Variants in MAD1L1 observed in about 807,000 individuals in gnomAD.
The protein encoded by MAD1L1 is mitotic spindle assembly checkpoint protein MAD1.
In MAD1L1, 95 loss-of-function variants were observed where a neutral mutation model predicts 96.9. That is an observed-to-expected ratio of 0.98 (90% CI 0.83 to 1.16). The LOEUF is 1.16. MAD1L1 is among the 50% of genes most tolerant of loss of function. The pLI is 0.00. For missense variants in MAD1L1, 1,007 were observed against 954.4 expected (o/e 1.06, Z -0.73); for synonymous variants, 473 against 396.6 (o/e 1.19, Z -2.29).
At chr7:1,863,228 C>A (rs1158415531) in intron 18 of MAD1L1, among the ~76,000 whole-genome samples, 1 of 152,262 alleles carries the variant, frequency 6.6e-6, no homozygotes, top group African/African-American at 2.4e-5. Flanking sequence ...TTAGCGGAGC[C>A]CAGGGCGGGG....
chr7:2,108,570 C>G (rs758398672), intron 11 of MAD1L1, among the ~76,000 whole-genome samples: 10 of 152,136 alleles, frequency 6.6e-5, no homozygotes, highest in Admixed American at 1.3e-4. Flanking sequence ...GTGTTTAGGT[C>G]TAAAAAGCTC....
chr7:1,957,760 G>A (rs1471886622), intron 15 of MAD1L1, 41 bp from the exon 16 acceptor site: 1 of 1,594,782 alleles, frequency 6.3e-7, no homozygotes, highest in Non-Finnish European at 8.6e-7. Context: ...TCCGAGGCCA[G>A]CCATGCTGGG....
intron 14 of MAD1L1, among the ~76,000 whole-genome samples, chr7:1,981,887 T>C (rs1261260680): frequency 6.6e-6 from 1 of 152,176 alleles, no homozygotes; most frequent in Non-Finnish European, 1.5e-5. Context: ...AACATCACTA[T>C]GTACCCCATA....
At chr7:1,965,712 C>G (rs992708980) in intron 15 of MAD1L1, among the ~76,000 whole-genome samples, 1 of 152,262 alleles carries the variant, frequency 6.6e-6, no homozygotes. Context: ...AGGCAGGAGC[C>G]GTGCTCTCTG....
At chr7:2,050,377 G>A (rs1202315184) in intron 12 of MAD1L1, among the ~76,000 whole-genome samples, 2 of 152,222 alleles carry the variant, frequency 1.3e-5, no homozygotes, top group African/African-American at 4.8e-5. Context: ...TCAGACCCAT[G>A]TCCACACCCA....
At chr7:2,006,102 G>A (rs906503557) in intron 13 of MAD1L1, among the ~76,000 whole-genome samples, 1 of 152,062 alleles carries the variant, frequency 6.6e-6, no homozygotes, top group African/African-American at 2.4e-5. Flanking sequence ...TGTGGGTGCA[G>A]GACACCTCAG....
At chr7:2,109,980 C>T (rs1232882965) in intron 11 of MAD1L1, among the ~76,000 whole-genome samples, 2 of 149,384 alleles carry the variant, frequency 1.3e-5, no homozygotes, top group African/African-American at 5.2e-5. Flanking sequence ...AGCGTGGGCT[C>T]AGCACAGTTG....
intron 10 of MAD1L1, among the ~76,000 whole-genome samples, chr7:2,153,420 T>C (rs1789675404): frequency 6.6e-6 from 1 of 151,962 alleles, no homozygotes; most frequent in Non-Finnish European, 1.5e-5. Context: ...GACATGCAAA[T>C]GGCCAACAGG....
chr7:2,077,697 A>G (rs1562664847), intron 11 of MAD1L1, among the ~76,000 whole-genome samples: 1 of 152,242 alleles, frequency 6.6e-6, no homozygotes, highest in Non-Finnish European at 1.5e-5. Context: ...GCGCGGGAGC[A>G]GGAGACAAGG....
At chr7:1,834,668 C>T (rs1445367013) in intron 18 of MAD1L1, among the ~76,000 whole-genome samples, 2 of 152,156 alleles carry the variant, frequency 1.3e-5, no homozygotes, top group African/African-American at 2.4e-5. Flanking sequence ...AATGGGTTTA[C>T]CGATGAATTG....
chr7:2,090,134 C>T (rs1188189804), intron 11 of MAD1L1, among the ~76,000 whole-genome samples: 5 of 152,246 alleles, frequency 3.3e-5, no homozygotes, highest in Non-Finnish European at 7.3e-5. Context: ...TCACCAAACA[C>T]ATCCAAATGG....
chr7:1,879,097 A>C (rs1464730155), intron 18 of MAD1L1, among the ~76,000 whole-genome samples: 2 of 152,236 alleles, frequency 1.3e-5, no homozygotes, highest in Non-Finnish European at 2.9e-5. Flanking sequence ...GAAAATAAAA[A>C]ACATTGCTGG....
chr7:2,219,435 T>C lies in MAD1L1; in HGVS notation c.493A>G (p.Arg165Gly). The C allele has an allele frequency of 6.2e-7, 1 of 1,613,426 alleles. No individual in the cohort carries two copies. The highest frequency in any genetic ancestry group is 1.1e-5 in the South Asian group (1 of 90,934). Residue 165 changes from arginine (R) to glycine (G), a missense_variant, in exon 6 of 19, where the codon AGG (arginine) becomes GGG (glycine). Arg to Gly is a moderately radical substitution (Grantham distance 125, BLOSUM62 -2). Coordinates refer to ENST00000265854, the MANE Select transcript of MAD1L1 (RefSeq NM_001013836.2). ...AGETINALKGRISELQWSVMD... is the reference protein window; with the variant it reads ...AGETINALKGGISELQWSVMD... The stretch of plus-strand genomic sequence containing the variant: ...ACGCTCCACTGCAGTTCCGAGATCC[T>C]CCCCTTCAGTGCGTTGATGGTCTAA...
intron 10 of MAD1L1, among the ~76,000 whole-genome samples, chr7:2,164,194 C>G (rs894616577): frequency 2.0e-5 from 3 of 152,216 alleles, no homozygotes; most frequent in African/African-American, 7.2e-5. Flanking sequence ...ATTTCTCTAT[C>G]CACTGGCCTC....
chr7:2,113,837 G>A (rs572483078), intron 11 of MAD1L1, among the ~76,000 whole-genome samples: 3 of 152,074 alleles, frequency 2.0e-5, no homozygotes, highest in South Asian at 2.1e-4. Flanking sequence ...CATCAGACTC[G>A]CTCCAACTGA....
At chr7:1,830,918 T>C (rs1782670437) in intron 18 of MAD1L1, among the ~76,000 whole-genome samples, 1 of 152,242 alleles carries the variant, frequency 6.6e-6, no homozygotes, top group African/African-American at 2.4e-5. Flanking sequence ...TCAATTTAAA[T>C]GTAAATGGCC....
chr7:2,166,610 C>T (rs1346757454), intron 10 of MAD1L1, among the ~76,000 whole-genome samples: 1 of 147,786 alleles, frequency 6.8e-6, no homozygotes, highest in African/African-American at 2.4e-5. Context: ...GCCCCAAACA[C>T]AACTTCGGCA....
chr7:1,831,678 T>C (rs1210707219), intron 18 of MAD1L1, among the ~76,000 whole-genome samples: 2 of 152,140 alleles, frequency 1.3e-5, no homozygotes, highest in Non-Finnish European at 2.9e-5. Context: ...AACACATGAA[T>C]GATAAGAAAG....
At chr7:1,908,600 C>T (rs1395241314) in intron 17 of MAD1L1, among the ~76,000 whole-genome samples, 2 of 152,128 alleles carry the variant, frequency 1.3e-5, no homozygotes, top group South Asian at 2.1e-4. Context: ...TGTTGACCTG[C>T]GGGCCTCATG....
Sources: allele counts gnomAD v4.1 joint callset (sites outside exome capture counted in the v4.1 genomes callset), GRCh38; gene constraint gnomAD v4.1.1; transcripts MANE v1.5; gene names NCBI Gene and HGNC (gene_info 2026-07-23, HGNC 2026-07-21).